Variants in DNER observed in about 807,000 individuals in gnomAD.
DNER encodes the protein delta and Notch-like epidermal growth factor-related receptor.
DNER carries 33 observed loss-of-function variants against 78.2 expected under a neutral mutation model. The observed-to-expected ratio is 0.42, with a 90% confidence interval of 0.32 to 0.56. The LOEUF is 0.56. Ranked by LOEUF, DNER falls within the 20% of genes least tolerant of loss-of-function variation. DNER has a pLI of 0.11. For synonymous variants in DNER, 417 were observed against 384.8 expected (o/e 1.08, Z -0.98); for missense variants, 918 against 975.3 (o/e 0.94, Z 0.78).
intron 12 of DNER, among the ~76,000 whole-genome samples, chr2:229,364,283 G>A (rs998308819): frequency 6.6e-6 from 1 of 151,914 alleles, no homozygotes; most frequent in Non-Finnish European, 1.5e-5. Context: ...CTCTCAAGCC[G>A]GTCAAGGCAC....
chr2:229,482,621 C>T (rs1209636696), intron 6 of DNER, among the ~76,000 whole-genome samples: 4 of 152,174 alleles, frequency 2.6e-5, no homozygotes, highest in Non-Finnish European at 5.9e-5. Flanking sequence ...CAGAAAGAAT[C>T]ATGAGAGGGA....
intron 7 of DNER, among the ~76,000 whole-genome samples, chr2:229,456,644 A>G (rs1219656208): frequency 6.6e-6 from 1 of 152,048 alleles, no homozygotes; most frequent in African/African-American, 2.4e-5. Context: ...TGAATAACAG[A>G]CACAAGTGAA....
intron 1 of DNER, among the ~76,000 whole-genome samples, chr2:229,606,779 G>C (rs915440077): frequency 7.2e-5 from 11 of 152,098 alleles, no homozygotes; most frequent in African/African-American, 2.7e-4. Flanking sequence ...TGTAATCCCA[G>C]CTACTCGGGA....
chr2:229,659,556 A>G (rs1164609863), intron 1 of DNER, among the ~76,000 whole-genome samples: 1 of 152,076 alleles, frequency 6.6e-6, no homozygotes, highest in Non-Finnish European at 1.5e-5. Flanking sequence ...CCATTTTGCT[A>G]CCTCTGAGAT....
chr2:229,489,833 G>A (rs741560), intron 6 of DNER, among the ~76,000 whole-genome samples: 38,513 of 151,862 alleles, frequency 0.25, 5,004 homozygotes, highest in South Asian at 0.32. Context: ...GGATGAGGAA[G>A]GAGCCCTCGA....
chr2:229,358,565 G>A lies in DNER; in HGVS notation c.2189C>T (p.Thr730Ile), dbSNP rs370899509. 4 of 1,611,542 alleles carry A rather than the reference G, an allele frequency of 2.5e-6. No individual in the cohort carries two copies. The highest frequency in any genetic ancestry group is 3.4e-6 in the Non-Finnish European group (4 of 1,178,772). Residue 730 changes from threonine to isoleucine, a missense_variant, in exon 13 of 13, where the codon ACA becomes ATA. Transcript: ENST00000341772. ...TTACAAATCTTTAGTTTTAATCAGTGTGACCAAGGGTTTGTCATCAGGACT... is the reference window on the plus strand; with the variant it reads ...TTACAAATCTTTAGTTTTAATCAGTATGACCAAGGGTTTGTCATCAGGACT... ...DYSPDDKPLVTLIKTKDL is the reference protein window; with the variant it reads ...DYSPDDKPLVILIKTKDL
intron 12 of DNER, among the ~76,000 whole-genome samples, chr2:229,363,164 G>A (rs1692254837): frequency 6.6e-6 from 1 of 152,108 alleles, no homozygotes; most frequent in Admixed American, 6.6e-5. Flanking sequence ...GATGACTCCT[G>A]GGATGAGGAA....
chr2:229,505,770 T>C (rs1422144281), intron 6 of DNER, among the ~76,000 whole-genome samples: 1 of 152,188 alleles, frequency 6.6e-6, no homozygotes, highest in Non-Finnish European at 1.5e-5. Context: ...ATGATGTAAA[T>C]GTCAATGTAA....
Position 229,704,910 on chromosome 2 carries a change from C to T in DNER, c.276+9238G>A, listed in dbSNP as rs570019758. ...ATTTTCGTGTTCTTTTCATTGTTCC[C>T]GTATTGCATTTTCCCTTTCTAAAGT... is the stretch of plus-strand genomic sequence containing the variant. On this transcript the variant is annotated intron_variant, in intron 1 of 12. Transcript: ENST00000341772. 5.9e-5 allele frequency among the ~76,000 whole-genome samples: 9 copies of T among 152,314 alleles called. No individual in the cohort carries two copies. The South Asian group carries it at 6.2e-4, about 11-fold the overall frequency.
At chr2:229,558,581 T>G (rs16826186) in intron 4 of DNER, among the ~76,000 whole-genome samples, 3,235 of 152,294 alleles carry the variant, frequency 0.021, 109 homozygotes, top group African/African-American at 0.066. Context: ...ACTGTATATA[T>G]TCTAAGTCTG....
chr2:229,707,645 C>T lies in DNER; in HGVS notation c.276+6503G>A, dbSNP rs530325496. Among the ~76,000 whole-genome samples, 3 of 152,316 alleles carry T rather than the reference C, an allele frequency of 2.0e-5. No homozygotes were observed. In the East Asian group the frequency reaches 5.8e-4, roughly 29 times the overall value. ...GCCCCAGTGCTGGGTTCCCATGCAA[C>T]TGGGGGAGAAGAGAGCAGAGATTCT... On this transcript the variant is annotated intron_variant, in intron 1 of 12. Transcript: ENST00000341772.
chr2:229,590,425 C>T (rs1286087387), intron 2 of DNER, among the ~76,000 whole-genome samples: 1 of 152,180 alleles, frequency 6.6e-6, no homozygotes, highest in African/African-American at 2.4e-5. Flanking sequence ...CATTGAAATA[C>T]TTCAAGGTAC....
chr2:229,645,678 G>C (rs1698705790), intron 1 of DNER, among the ~76,000 whole-genome samples: 1 of 152,104 alleles, frequency 6.6e-6, no homozygotes, highest in African/African-American at 2.4e-5. Flanking sequence ...TATAAAAGCT[G>C]GTGGAGAATT....
At chr2:229,468,050 C>T (rs1694841075) in intron 7 of DNER, among the ~76,000 whole-genome samples, 1 of 152,120 alleles carries the variant, frequency 6.6e-6, no homozygotes, top group South Asian at 2.1e-4. Context: ...TCCAGAGGTA[C>T]CCAGGAAGGG....
intron 1 of DNER, among the ~76,000 whole-genome samples, chr2:229,611,054 C>T (rs899462495): frequency 5.3e-5 from 8 of 152,286 alleles, no homozygotes; most frequent in Admixed American, 5.2e-4. Flanking sequence ...TCAGCAATTA[C>T]TGGGATAAGA....
chr2:229,376,797 A>T (rs943141707), intron 11 of DNER, among the ~76,000 whole-genome samples: 1 of 152,184 alleles, frequency 6.6e-6, no homozygotes, highest in Non-Finnish European at 1.5e-5. Context: ...AGTTACCTTT[A>T]AGGAGTGAGG....
chr2:229,564,012 T>C (rs1212342608), intron 4 of DNER, among the ~76,000 whole-genome samples: 2 of 138,728 alleles, frequency 1.4e-5, no homozygotes, highest in East Asian at 2.4e-4. Flanking sequence ...CCCATCACCA[T>C]CATCATCATC....
At chr2:229,700,684 G>A (rs1699731619) in intron 1 of DNER, among the ~76,000 whole-genome samples, 2 of 151,896 alleles carry the variant, frequency 1.3e-5, no homozygotes, top group Non-Finnish European at 2.9e-5. Flanking sequence ...GGAGGCCGAG[G>A]TGGGCAGATC....
rs202150174 is a variant in DNER, at chr2:229,388,296, C to A, written c.1824G>T (p.Pro608=). Residue 608 remains proline, a synonymous_variant, in exon 11 of 13, where the codon CCG becomes CCT. Coordinates refer to ENST00000341772, the MANE Select transcript of DNER (RefSeq NM_139072.4). ...CACAGTTTGCTCCCACCCAACCATG[C>A]GGGCAGTGGCAGTTATAACCATTGG... The part of the protein sequence containing the change: ...DQPNGYNCHC[P]HGWVGANCEI... The A allele has an allele frequency of 7.5e-6, 12 of 1,609,882 alleles. No individual in the cohort carries two copies. In the East Asian group the frequency reaches 1.1e-4, roughly 15 times the overall value.
Sources: gnomAD v4.1 joint callset for allele counts (sites outside exome capture counted in the v4.1 genomes callset) on GRCh38, gnomAD v4.1.1 for gene constraint, MANE v1.5 for transcripts, NCBI Gene and HGNC (gene_info 2026-07-23, HGNC 2026-07-21) for gene names.